TCF4: variants seen among roughly 807,000 people sequenced by gnomAD.
The protein encoded by TCF4 is SL3-3 enhancer factor 2.
TCF4 carries 3 observed loss-of-function variants against 82.1 expected under a neutral mutation model. That is an observed-to-expected ratio of 0.04 (90% CI 0.02 to 0.09). TCF4 has a LOEUF of 0.09. Ranked by LOEUF, TCF4 falls within the 10% of genes least tolerant of loss-of-function variation. The probability of loss-of-function intolerance (pLI) is 1.00; values close to 1 mark genes in which losing one functional copy is unlikely to be tolerated. For synonymous variants in TCF4, 276 were observed against 309.6 expected (o/e 0.89, Z 1.14); for missense variants, 518 against 852.7 (o/e 0.61, Z 4.89).
Position 55,464,257 on chromosome 18 carries a change from C to A in TCF4, c.146-120G>T, listed in dbSNP as rs3760600. On this transcript the variant is annotated intron_variant, in intron 3 of 19. Coordinates refer to ENST00000354452, the MANE Select transcript of TCF4 (RefSeq NM_001083962.2). ...TTGCCTTTAATTAAGAACCAGGCAC[C>A]GGGCTACCATGATGATAGTGGCTTC... 0.58 allele frequency: 491,290 copies of A among 851,070 alleles called. 143,369 individuals carry two copies. The highest frequency in any genetic ancestry group is 0.63 in the Middle Eastern group (1,898 of 3,006). 52.7% of individuals were successfully genotyped at this position (851,070 alleles called of 1,614,324 possible).
chr18:55,504,571 G>A (rs2096733699), intron 3 of TCF4, among the ~76,000 whole-genome samples: 1 of 152,104 alleles, frequency 6.6e-6, no homozygotes, highest in Non-Finnish European at 1.5e-5. Context: ...ATCTGCCAAG[G>A]CTTTGATTTA....
At chr18:55,489,829 A>C (rs1324363126) in intron 3 of TCF4, among the ~76,000 whole-genome samples, 1 of 152,122 alleles carries the variant, frequency 6.6e-6, no homozygotes, top group Non-Finnish European at 1.5e-5. Flanking sequence ...CGAACACCTA[A>C]GCACATGTGA....
At chr18:55,600,050 T>TA (rs2097695219) in intron 2 of TCF4, among the ~76,000 whole-genome samples, 1 of 152,082 alleles carries the variant, frequency 6.6e-6, no homozygotes, top group African/African-American at 2.4e-5. Flanking sequence ...AGGAGAAGGC[T>TA]GTTTTTTTTT....
At chr18:55,304,857 C>T (rs899754859) in intron 8 of TCF4, among the ~76,000 whole-genome samples, 3 of 152,218 alleles carry the variant, frequency 2.0e-5, no homozygotes, top group Non-Finnish European at 2.9e-5. Flanking sequence ...AAGCCTGAAC[C>T]GCCTTTCAAG....
intron 5 of TCF4, among the ~76,000 whole-genome samples, chr18:55,429,764 C>CAAAAAAAAAAA (rs35255242): frequency 1.7e-4 from 10 of 57,176 alleles, no homozygotes; most frequent in African/African-American, 4.2e-4. Flanking sequence ...GACTCCATCT[C>CAAAAAAAAAAA]AAAAAAAAAA....
intron 5 of TCF4, among the ~76,000 whole-genome samples, chr18:55,409,957 A>T (rs1357870367): frequency 1.3e-5 from 2 of 152,174 alleles, no homozygotes; most frequent in Non-Finnish European, 1.5e-5. Flanking sequence ...GAATCTTACG[A>T]TACAGGGACA....
chr18:55,514,598 T>C (rs1297200980), intron 3 of TCF4, among the ~76,000 whole-genome samples: 2 of 152,164 alleles, frequency 1.3e-5, no homozygotes, highest in South Asian at 2.1e-4. Context: ...CTGCTGATTA[T>C]CTCAATTCTT....
At chr18:55,625,132 A>G (rs1023511667) in intron 2 of TCF4, among the ~76,000 whole-genome samples, 1 of 152,164 alleles carries the variant, frequency 6.6e-6, no homozygotes, top group Non-Finnish European at 1.5e-5. Flanking sequence ...TTTTCATAAT[A>G]GTTTGGAGTA....
At chr18:55,367,169 T>C (rs2087410217) in intron 6 of TCF4, among the ~76,000 whole-genome samples, 1 of 152,182 alleles carries the variant, frequency 6.6e-6, no homozygotes, top group African/African-American at 2.4e-5. Flanking sequence ...AGCTCTAAAA[T>C]TGTCAGGGCA....
At chr18:55,584,277 C>T (rs994591829) in intron 3 of TCF4, among the ~76,000 whole-genome samples, 2 of 152,024 alleles carry the variant, frequency 1.3e-5, no homozygotes, top group African/African-American at 2.4e-5. Flanking sequence ...ATTCCACTGG[C>T]ATCTCACAGT....
At position 55,446,160 on chromosome 18, in the gene TCF4, T is replaced by C. The variant is rs144960081; in HGVS notation, c.304+14859A>G. 7.3e-3 allele frequency among the ~76,000 whole-genome samples: 1,117 copies of C among 152,200 alleles called. 47 individuals are homozygous for C. The highest frequency in any genetic ancestry group is 0.065 in the Admixed American group (991 of 15,294). On this transcript the variant is annotated intron_variant, in intron 5 of 19. Coordinates refer to ENST00000354452, the MANE Select transcript of TCF4 (RefSeq NM_001083962.2). ...CTGCCTCCTTTAGGGGACTCTAATG[T>C]GCTGTGTGAGGCTCAAGAGCCAGCT... is the stretch of plus-strand genomic sequence containing the variant.
At chr18:55,262,498 G>T (rs981523221) in intron 11 of TCF4, among the ~76,000 whole-genome samples, 2 of 152,140 alleles carry the variant, frequency 1.3e-5, no homozygotes, top group African/African-American at 4.8e-5. Context: ...AGGGAAGATT[G>T]TTTTTCACTA....
intron 3 of TCF4, among the ~76,000 whole-genome samples, chr18:55,499,186 G>T (rs1443562013): frequency 2.7e-4 from 41 of 152,148 alleles, no homozygotes; most frequent in Admixed American, 2.7e-3. Context: ...CTCAAAAGAT[G>T]GATGCTCCTT....
At chr18:55,448,681 C>T (rs2095568374) in intron 5 of TCF4, among the ~76,000 whole-genome samples, 1 of 152,194 alleles carries the variant, frequency 6.6e-6, no homozygotes, top group Admixed American at 6.5e-5. Context: ...AAAGTGCTTG[C>T]AAGCAACATT....
chr18:55,439,088 G>A (rs2095388380), intron 5 of TCF4, among the ~76,000 whole-genome samples: 1 of 152,108 alleles, frequency 6.6e-6, no homozygotes, highest in Non-Finnish European at 1.5e-5. Flanking sequence ...GGCAGGGGGT[G>A]GGAAAATGAA....
At chr18:55,492,697 G>A (rs1013735601) in intron 3 of TCF4, among the ~76,000 whole-genome samples, 2 of 152,162 alleles carry the variant, frequency 1.3e-5, no homozygotes, top group Non-Finnish European at 2.9e-5. Context: ...AGATATTGCT[G>A]GTCCTGAGAT....
At chr18:55,501,733 A>T (rs2096704633) in intron 3 of TCF4, among the ~76,000 whole-genome samples, 2 of 152,130 alleles carry the variant, frequency 1.3e-5, no homozygotes, top group Non-Finnish European at 2.9e-5. Context: ...CGCTGAAGAA[A>T]ACAGCTGGAA....
intron 6 of TCF4, among the ~76,000 whole-genome samples, chr18:55,386,462 A>G (rs1194014366): frequency 6.6e-6 from 1 of 152,218 alleles, no homozygotes; most frequent in Admixed American, 6.5e-5. Flanking sequence ...TCCAAGGAGC[A>G]CAATCATAAT....
intron 5 of TCF4, among the ~76,000 whole-genome samples, chr18:55,419,906 C>A (rs935296649): frequency 6.6e-6 from 1 of 152,170 alleles, no homozygotes; most frequent in Non-Finnish European, 1.5e-5. Flanking sequence ...TGAAACAAAA[C>A]ATCTGGGTGT....
Sources: gnomAD v4.1 joint callset for allele counts (sites outside exome capture counted in the v4.1 genomes callset) on GRCh38, gnomAD v4.1.1 for gene constraint, MANE v1.5 for transcripts, NCBI Gene and HGNC (gene_info 2026-07-23, HGNC 2026-07-21) for gene names.